The following EXD1 variants were observed in gnomAD, a reference collection of about 807,000 sequenced individuals.
EXD1 encodes exonuclease 3'-5' domain containing 1.
EXD1 carries 63 observed loss-of-function variants against 49.1 expected under a neutral mutation model. The ratio of observed to expected loss-of-function variants is 1.28; its 90% confidence interval spans 1.05 to 1.58. The LOEUF is 1.58. EXD1 is among the 40% of genes most tolerant of loss of function. The pLI is 0.00. For missense variants in EXD1, 748 were observed against 666.0 expected (o/e 1.12, Z -1.36); for synonymous variants, 234 against 239.2 (o/e 0.98, Z 0.20).
intron 7 of EXD1, among the ~76,000 whole-genome samples, chr15:41,198,049 A>T (rs2046643580): frequency 6.6e-6 from 1 of 152,146 alleles, no homozygotes; most frequent in Non-Finnish European, 1.5e-5. Context: ...TAAAGAAATA[A>T]AGAAATTTTA....
At chr15:41,220,953 C>A (rs2140902469) in intron 2 of EXD1, among the ~76,000 whole-genome samples, 1 of 151,686 alleles carries the variant, frequency 6.6e-6, no homozygotes, top group South Asian at 2.1e-4. Context: ...AGTGATCCTC[C>A]CACCTCAGCC....
At chr15:41,217,957 CATT>C (rs1163644546) in intron 3 of EXD1, among the ~76,000 whole-genome samples, 1 of 152,102 alleles carries the variant, frequency 6.6e-6, no homozygotes, top group African/African-American at 2.4e-5. Context: ...GCTGATTAGC[CATT>C]ATTATCCTTC....
chr15:41,193,999 A>ATTTTT (rs747194413), intron 9 of EXD1, among the ~76,000 whole-genome samples: 2 of 82,942 alleles, frequency 2.4e-5, no homozygotes, highest in Non-Finnish European at 4.4e-5. Context: ...ATGACAAGTG[A>ATTTTT]TTTTTTTTTT....
intron 7 of EXD1, among the ~76,000 whole-genome samples, chr15:41,199,730 G>GATATATATC (rs1220370855): frequency 1.8e-4 from 6 of 33,524 alleles, no homozygotes; most frequent in South Asian, 1.4e-3. Flanking sequence ...TATTATATAT[G>GATATATATC]ATATATATGT....
At chr15:41,219,029 C>G (rs757088480) in intron 3 of EXD1, among the ~76,000 whole-genome samples, 4 of 152,110 alleles carry the variant, frequency 2.6e-5, no homozygotes, top group Non-Finnish European at 5.9e-5. Flanking sequence ...ATTCCTCCAC[C>G]CCTTCTATCC....
intron 7 of EXD1, among the ~76,000 whole-genome samples, chr15:41,196,909 T>C (rs1374543521): frequency 6.6e-6 from 1 of 152,020 alleles, no homozygotes; most frequent in Admixed American, 6.6e-5. Context: ...CACTGCAAAT[T>C]CAACCACCCA....
chr15:41,194,620 G>T (rs1173883907), intron 9 of EXD1, among the ~76,000 whole-genome samples: 1 of 152,196 alleles, frequency 6.6e-6, no homozygotes, highest in Non-Finnish European at 1.5e-5. Flanking sequence ...TAAATTTGTG[G>T]TGATTTGTTA....
intron 6 of EXD1, among the ~76,000 whole-genome samples, chr15:41,214,084 G>A (rs537555476): frequency 1.6e-3 from 243 of 151,986 alleles, no homozygotes; most frequent in Non-Finnish European, 2.7e-3. Flanking sequence ...GGAGAATGGC[G>A]TGAACCCGGG....
In EXD1 at chr15:41,183,808, T is replaced by C; in HGVS notation, c.*123A>G. ...GAACACAGGAGTAAGCAAGAGGATA[T>C]AATTTTCCCCTGTGACTGAAGCATT... On this transcript the variant is annotated 3_prime_UTR_variant, in exon 12 of 12. Coordinates refer to ENST00000458580, the MANE Select transcript of EXD1 (RefSeq NM_001286441.2). 2.2e-6 allele frequency: 2 copies of C among 903,434 alleles called. No individual in the cohort carries two copies. Among genetic ancestry groups the C allele is most frequent in the Non-Finnish European group, 3.3e-6 (2 of 603,794 alleles). The allele number at this position is 903,434 out of a possible 1,614,324, so 56.0% of individuals were successfully genotyped here.
chr15:41,230,400 C>T (rs953281510), intron 1 of EXD1, 79 bp downstream of exon 1: 8 of 1,496,298 alleles, frequency 5.3e-6, no homozygotes, highest in Non-Finnish European at 7.4e-6. Context: ...TTAATCAAAA[C>T]AAACAATACA....
chr15:41,222,440 C>G (rs944357817), intron 2 of EXD1, among the ~76,000 whole-genome samples: 1 of 152,106 alleles, frequency 6.6e-6, no homozygotes, highest in Non-Finnish European at 1.5e-5. Flanking sequence ...AACTCCTACT[C>G]AACCAGATGG....
chr15:41,203,056 A>G (rs1595440393), intron 7 of EXD1, among the ~76,000 whole-genome samples: 1 of 152,300 alleles, frequency 6.6e-6, no homozygotes, highest in Middle Eastern at 3.4e-3. Flanking sequence ...CTGACCAGAG[A>G]TAAAGATTAA....
At chr15:41,226,816 T>C (rs1347051348) in intron 1 of EXD1, among the ~76,000 whole-genome samples, 188 bp from the exon 2 acceptor site, 1 of 152,178 alleles carries the variant, frequency 6.6e-6, no homozygotes, top group Non-Finnish European at 1.5e-5. Flanking sequence ...CTGAAAACTA[T>C]AAGAAATTGG....
At chr15:41,202,554 A>G (rs1193588880) in intron 7 of EXD1, among the ~76,000 whole-genome samples, 1 of 151,934 alleles carries the variant, frequency 6.6e-6, no homozygotes, top group Non-Finnish European at 1.5e-5. Context: ...ATTGCAGGCT[A>G]AAACTAACTC....
At position 41,209,577 on chromosome 15, in the gene EXD1, A is replaced by T; in HGVS notation, c.458T>A (p.Ile153Asn). The T allele has an allele frequency of 6.2e-7, 1 of 1,614,088 alleles. No homozygotes were observed. The highest frequency in any genetic ancestry group is 8.5e-7 in the Non-Finnish European group (1 of 1,179,992). Residue 153 changes from isoleucine to asparagine, a missense_variant, in exon 7 of 12, where the codon ATC becomes AAC. Coordinates refer to ENST00000458580, the MANE Select transcript of EXD1 (RefSeq NM_001286441.2). ...QQKFGAAILHIKKQNVLSVAA... is the reference protein window; with the variant it reads ...QQKFGAAILHNKKQNVLSVAA... ...CACACTCAGGACATTCTGCTTCTTG[A>T]TATGGAGTATCTGGTAAGAAAAAGA...
intron 1 of EXD1, among the ~76,000 whole-genome samples, chr15:41,230,059 C>T (rs1280750483): frequency 1.3e-5 from 2 of 148,882 alleles, no homozygotes; most frequent in African/African-American, 5.0e-5. Flanking sequence ...AGAGTAGGCA[C>T]TAATTTAACG....
chr15:41,202,817 C>G (rs1382175012), intron 7 of EXD1, among the ~76,000 whole-genome samples: 2 of 150,980 alleles, frequency 1.3e-5, no homozygotes, highest in African/African-American at 4.9e-5. Context: ...ACTGAGGAGG[C>G]TGAGGCGCGA....
intron 7 of EXD1, 91 bp downstream of exon 7, chr15:41,209,410 T>C: frequency 8.8e-7 from 1 of 1,131,020 alleles, no homozygotes; most frequent in Non-Finnish European, 1.3e-6. Flanking sequence ...ATCCCATCTC[T>C]AAAATACAGT....
At chr15:41,186,252 A>G (rs1167848421) in intron 11 of EXD1, among the ~76,000 whole-genome samples, 3 of 152,110 alleles carry the variant, frequency 2.0e-5, no homozygotes, top group Non-Finnish European at 4.4e-5. Context: ...TGGGTGGATC[A>G]CTTGAGGTCA....
Sources: allele counts gnomAD v4.1 joint callset (sites outside exome capture counted in the v4.1 genomes callset), GRCh38; gene constraint gnomAD v4.1.1; transcripts MANE v1.5; gene names NCBI Gene and HGNC (gene_info 2026-07-23, HGNC 2026-07-21).